Variants in GRID2 observed in about 807,000 individuals in gnomAD.
GRID2 encodes glutamate ionotropic receptor delta type subunit 2, also known as glutamate receptor ionotropic, delta-2.
GRID2 carries 33 observed loss-of-function variants against 114.8 expected under a neutral mutation model. That is an observed-to-expected ratio of 0.29 (90% CI 0.22 to 0.38). GRID2 has a LOEUF of 0.38. Among genes scored for constraint, GRID2 ranks in the 10% least tolerant of loss-of-function variants. The pLI is 1.00. For synonymous variants in GRID2, 505 were observed against 449.9 expected (o/e 1.12, Z -1.55); for missense variants, 1,184 against 1,257.7 (o/e 0.94, Z 0.89).
intron 3 of GRID2, among the ~76,000 whole-genome samples, chr4:93,098,200 T>C (rs4303948): frequency 0.47 from 70,894 of 151,826 alleles, 17,255 homozygotes; most frequent in Admixed American, 0.58. Context: ...ATTTTTGCTT[T>C]TCAATTTTAT....
intron 2 of GRID2, among the ~76,000 whole-genome samples, chr4:92,635,378 T>A (rs924061021): frequency 3.3e-5 from 5 of 152,116 alleles, no homozygotes; most frequent in Admixed American, 6.6e-5. Flanking sequence ...TTGCTGTATC[T>A]TCTCTTCTGA....
rs529937251 is a variant in GRID2 at position 93,518,548 on chromosome 4, T to C, written c.2193+3137T>C. On this transcript the variant is annotated intron_variant, in intron 13 of 15. Transcript: ENST00000282020. Reference sequence around the variant, plus strand: ...TGGGATGGACAGAAATGAAAACAAATGCCTTCATGGAGTTTGCATTATAGT... The same window carrying C: ...TGGGATGGACAGAAATGAAAACAAACGCCTTCATGGAGTTTGCATTATAGT... Among the ~76,000 whole-genome samples, 20 of 152,152 alleles carry C rather than the reference T, an allele frequency of 1.3e-4. No individual in the cohort carries two copies. In the East Asian group the frequency reaches 3.7e-3, roughly 28 times the overall value.
At chr4:92,601,826 A>C (rs1418458880) in intron 2 of GRID2, among the ~76,000 whole-genome samples, 2 of 152,118 alleles carry the variant, frequency 1.3e-5, no homozygotes, top group Admixed American at 1.3e-4. Context: ...ATGATAAAAA[A>C]GATACTGTCA....
intron 1 of GRID2, among the ~76,000 whole-genome samples, chr4:92,543,974 T>C (rs556270304): frequency 5.7e-4 from 87 of 152,284 alleles, no homozygotes; most frequent in African/African-American, 1.9e-3. Flanking sequence ...AGTAACATCA[T>C]GTTGGTAGCT....
intron 2 of GRID2, among the ~76,000 whole-genome samples, chr4:92,821,340 G>A (rs975039722): frequency 6.6e-6 from 1 of 152,132 alleles, no homozygotes; most frequent in Admixed American, 6.6e-5. Flanking sequence ...GAACAAAATG[G>A]TTGACAACCT....
At chr4:93,264,358 C>T (rs1490933868) in intron 8 of GRID2, among the ~76,000 whole-genome samples, 3 of 151,914 alleles carry the variant, frequency 2.0e-5, no homozygotes, top group Admixed American at 6.6e-5. Context: ...TGAGTTTTTC[C>T]AGGTAAGGTC....
chr4:92,637,208 A>G (rs540509651), intron 2 of GRID2, among the ~76,000 whole-genome samples: 1 of 152,126 alleles, frequency 6.6e-6, no homozygotes, highest in East Asian at 1.9e-4. Context: ...AAAATTTACT[A>G]TGCAGATTTT....
intron 8 of GRID2, among the ~76,000 whole-genome samples, chr4:93,268,421 A>G (rs1419760590): frequency 2.0e-5 from 3 of 152,054 alleles, no homozygotes; most frequent in African/African-American, 7.2e-5. Flanking sequence ...CCCCATCTCC[A>G]AATATATTTG....
intron 14 of GRID2, among the ~76,000 whole-genome samples, chr4:93,646,880 T>C (rs552309733): frequency 1.3e-5 from 2 of 152,298 alleles, no homozygotes; most frequent in South Asian, 2.1e-4. Flanking sequence ...TGGATGATGG[T>C]ATCATTAACT....
intron 2 of GRID2, among the ~76,000 whole-genome samples, chr4:93,007,884 T>C (rs1287314264): frequency 6.6e-6 from 1 of 151,606 alleles, no homozygotes; most frequent in Non-Finnish European, 1.5e-5. Flanking sequence ...CTACTAAAAA[T>C]ACAAAAATTA....
At chr4:92,586,227 A>C (rs914350660) in intron 1 of GRID2, among the ~76,000 whole-genome samples, 1 of 151,934 alleles carries the variant, frequency 6.6e-6, no homozygotes, top group Non-Finnish European at 1.5e-5. Flanking sequence ...GAATGTTTGG[A>C]GACTTGTTGA....
At chr4:93,297,931 C>G (rs1380430125) in intron 8 of GRID2, among the ~76,000 whole-genome samples, 1 of 152,096 alleles carries the variant, frequency 6.6e-6, no homozygotes, top group Non-Finnish European at 1.5e-5. Flanking sequence ...TGTTCACTTT[C>G]TTTTGCTTTT....
rs186090519 is a variant in GRID2 at position 93,584,950 on chromosome 4, G to A, written c.2194-41319G>A. On this transcript the variant is annotated intron_variant, in intron 13 of 15. Transcript: ENST00000282020. Reference sequence around the variant, plus strand: ...TAGGAGCATTGTCGTGGTGGAGAAGGACTCTCTGGTGAAGCTTTCCTGGAT... The same window carrying A: ...TAGGAGCATTGTCGTGGTGGAGAAGAACTCTCTGGTGAAGCTTTCCTGGAT... Among the ~76,000 whole-genome samples the A allele has an allele frequency of 1.2e-3, 177 of 152,196 alleles. 1 individual carries two copies. Among genetic ancestry groups the A allele is most frequent in the African/African-American group, 4.1e-3 (170 of 41,542 alleles).
At chr4:93,282,692 C>T (rs1306279224) in intron 8 of GRID2, among the ~76,000 whole-genome samples, 1 of 152,094 alleles carries the variant, frequency 6.6e-6, no homozygotes, top group East Asian at 1.9e-4. Context: ...CATAGTACTA[C>T]CCTGTGTTAA....
intron 1 of GRID2, among the ~76,000 whole-genome samples, chr4:92,466,149 C>A (rs941841015): frequency 3.3e-5 from 5 of 151,726 alleles, no homozygotes; most frequent in African/African-American, 4.8e-5. Flanking sequence ...TTTTACTACA[C>A]TATATATATG....
At chr4:92,933,949 ACTCT>A (rs1383355771) in intron 2 of GRID2, among the ~76,000 whole-genome samples, 1 of 151,542 alleles carries the variant, frequency 6.6e-6, no homozygotes, top group Non-Finnish European at 1.5e-5. Flanking sequence ...AGTGTTTTTT[ACTCT>A]CTATGAAACT....
chr4:92,964,543 G>C (rs1049231110), intron 2 of GRID2, among the ~76,000 whole-genome samples: 1 of 151,906 alleles, frequency 6.6e-6, no homozygotes, highest in South Asian at 2.1e-4. Context: ...AGAACTTAAA[G>C]TAAATTAAAA....
intron 2 of GRID2, among the ~76,000 whole-genome samples, chr4:92,916,117 G>C (rs935489643): frequency 1.3e-5 from 2 of 151,912 alleles, no homozygotes; most frequent in Non-Finnish European, 2.9e-5. Context: ...AACTGCTTTT[G>C]GTGTCTTTGT....
chr4:93,079,754 T>C (rs955179058), intron 2 of GRID2, among the ~76,000 whole-genome samples: 1 of 152,072 alleles, frequency 6.6e-6, no homozygotes, highest in Non-Finnish European at 1.5e-5. Flanking sequence ...GTTTAATTCT[T>C]CTCAGGTTTG....
Sources: gnomAD v4.1 joint callset for allele counts (sites outside exome capture counted in the v4.1 genomes callset) on GRCh38, gnomAD v4.1.1 for gene constraint, MANE v1.5 for transcripts, NCBI Gene and HGNC (gene_info 2026-07-23, HGNC 2026-07-21) for gene names.